The following ZNF292 variants were observed in gnomAD, a reference collection of about 807,000 sequenced individuals.
ZNF292 encodes the protein zinc finger protein 292.
In ZNF292, 26 loss-of-function variants were observed where a neutral mutation model predicts 217.9. The ratio of observed to expected loss-of-function variants is 0.12; its 90% CI spans 0.09 to 0.17. The LOEUF (loss-of-function observed/expected upper bound fraction) is 0.17. Ranked by LOEUF, ZNF292 falls within the 10% of genes least tolerant of loss-of-function variation. The pLI, the probability that ZNF292 is intolerant of heterozygous loss-of-function variation, is 1.00. For missense variants in ZNF292, 2,904 were observed against 3,175.2 expected (o/e 0.91, Z 2.05); for synonymous variants, 1,257 against 1,124.1 (o/e 1.12, Z -2.37).
intron 1 of ZNF292, among the ~76,000 whole-genome samples, chr6:87,195,499 G>A (rs547863627): frequency 1.6e-4 from 24 of 152,216 alleles, no homozygotes; most frequent in African/African-American, 5.1e-4. Context: ...CTTCATTTGC[G>A]TGGTGCACCT....
chr6:87,222,243 A>G (rs955578767), intron 4 of ZNF292, among the ~76,000 whole-genome samples: 1 of 152,108 alleles, frequency 6.6e-6, no homozygotes, highest in Admixed American at 6.6e-5. Flanking sequence ...TCATAACCAT[A>G]AAAAGGTCAT....
chr6:87,256,240 A>G lies in ZNF292; in HGVS notation c.2611A>G (p.Met871Val), dbSNP rs770556508. 10 of 1,613,778 alleles carry G rather than the reference A, an allele frequency of 6.2e-6. No individual in the cohort carries two copies. The highest frequency in any genetic ancestry group is 5.3e-5 in the African/African-American group (4 of 74,930). ...TAENIEKERSMLPSENNIENS... is the reference protein window; with the variant it reads ...TAENIEKERSVLPSENNIENS... Reference sequence around the variant, plus strand: ...AGAGAATATTGAGAAAGAAAGATCTATGCTTCCTTCAGAAAATAACATTGA... The same window carrying G: ...AGAGAATATTGAGAAAGAAAGATCTGTGCTTCCTTCAGAAAATAACATTGA... The change falls in exon 8 of 8, where the codon ATG (methionine) becomes GTG (valine). Residue 871 changes from methionine to valine, a missense_variant. By Grantham distance (21) the Met-to-Val change is conservative. Transcript: ENST00000369577.
rs376412999 is a variant in ZNF292, at chr6:87,258,386, C to G, written c.4757C>G (p.Ser1586Cys). ...AAGACTGTTGAAAATGGTTTGTGCT[C>G]TAGTTCATTTCCTAATTCTGGTGGG... The part of the protein sequence containing the change: ...LLKTVENGLC[S>C]SSFPNSGGPS... The change falls in exon 8 of 8, where the codon TCT becomes TGT. Residue 1586 changes from serine (S) to cysteine (C), a missense_variant. By Grantham distance (112) the Ser-to-Cys change is moderately radical. Coordinates refer to ENST00000369577, the MANE Select transcript of ZNF292 (RefSeq NM_015021.3). 8.7e-6 allele frequency: 14 copies of G among 1,613,482 alleles called. No individual in the cohort carries two copies. Among genetic ancestry groups the G allele is most frequent in the Non-Finnish European group, 1.2e-5 (14 of 1,179,774 alleles).
Position 87,250,854 on chromosome 6 carries a change from T to G in ZNF292, c.1021-3796T>G, listed in dbSNP as rs9450644. ...AGAGTTGAAAAATACATCCCTGCCT[T>G]TAAGGATTTTGTAGTCTGTTGATGG... On this transcript the variant is annotated intron_variant, in intron 7 of 7. Coordinates refer to ENST00000369577, the MANE Select transcript of ZNF292 (RefSeq NM_015021.3). Among the ~76,000 whole-genome samples the G allele has an allele frequency of 6.0e-3, 917 of 152,330 alleles. 8 individuals are homozygous for G. Among genetic ancestry groups the G allele is most frequent in the African/African-American group, 0.018 (735 of 41,560 alleles).
chr6:87,250,567 T>G (rs1774873725), intron 7 of ZNF292, among the ~76,000 whole-genome samples: 1 of 152,250 alleles, frequency 6.6e-6, no homozygotes, highest in South Asian at 2.1e-4. Context: ...TATTAGGTAT[T>G]ATAAGTAATA....
At chr6:87,168,294 C>CA (rs1470722999) in intron 1 of ZNF292, among the ~76,000 whole-genome samples, 1 of 152,106 alleles carries the variant, frequency 6.6e-6, no homozygotes, top group Non-Finnish European at 1.5e-5. Context: ...CCAGTGTCAT[C>CA]AAAAAATGTT....
chr6:87,177,941 T>G (rs1257869546), intron 1 of ZNF292, among the ~76,000 whole-genome samples: 1 of 152,212 alleles, frequency 6.6e-6, no homozygotes, highest in African/African-American at 2.4e-5. Flanking sequence ...ACCATATCTC[T>G]TATTTTTTTG....
intron 1 of ZNF292, among the ~76,000 whole-genome samples, chr6:87,164,054 C>T (rs1403460090): frequency 1.3e-5 from 2 of 152,162 alleles, no homozygotes; most frequent in East Asian, 1.9e-4. Flanking sequence ...CGCCAAGTAT[C>T]GTGTATCAGT....
chr6:87,237,670 AATT>A (rs1582473867), intron 5 of ZNF292, among the ~76,000 whole-genome samples: 2 of 152,240 alleles, frequency 1.3e-5, no homozygotes, highest in South Asian at 2.1e-4. Flanking sequence ...AAAACATACA[AATT>A]ATTATTTACA....
intron 5 of ZNF292, among the ~76,000 whole-genome samples, chr6:87,241,120 T>A (rs551483753): frequency 6.6e-6 from 1 of 152,212 alleles, no homozygotes; most frequent in African/African-American, 2.4e-5. Context: ...CCATCTCTAC[T>A]AAAAATACAA....
At position 87,258,529 on chromosome 6, in the gene ZNF292, G is replaced by A. The variant is rs752543044; in HGVS notation, c.4900G>A (p.Val1634Ile). ...CAGTGCTTCTAAGAGAAGAAAGAAA[G>A]TTGCTCCTCCACTAATTGCACCTAA... is the stretch of plus-strand genomic sequence containing the variant. ...GNSASKRRKK[V>I]APPLIAPNAS... Residue 1634 changes from valine to isoleucine, a missense_variant, in exon 8 of 8, where the codon GTT becomes ATT. By Grantham distance (29) the Val-to-Ile change is conservative (BLOSUM62 3). This residue lies in a region of ZNF292 where 622 missense variants were observed against 573.1 expected (regional missense o/e 1.09). Coordinates refer to ENST00000369577, the MANE Select transcript of ZNF292 (RefSeq NM_015021.3). 1.2e-6 allele frequency: 2 copies of A among 1,613,514 alleles called. No individual in the cohort carries two copies. The highest frequency in any genetic ancestry group is 2.2e-5 in the East Asian group (1 of 44,886).
intron 5 of ZNF292, among the ~76,000 whole-genome samples, chr6:87,239,174 C>G (rs796595716): frequency 7.4e-6 from 1 of 135,500 alleles, no homozygotes; most frequent in Non-Finnish European, 1.6e-5. Flanking sequence ...CATCATGGCC[C>G]GTTCTCAATG....
intron 1 of ZNF292, among the ~76,000 whole-genome samples, chr6:87,210,404 A>G (rs973400627): frequency 4.6e-5 from 7 of 152,166 alleles, no homozygotes; most frequent in African/African-American, 1.7e-4. Flanking sequence ...CGCAAGAAAC[A>G]GTGTGTTAGA....
chr6:87,185,717 C>T (rs947213780), intron 1 of ZNF292, among the ~76,000 whole-genome samples: 49 of 152,230 alleles, frequency 3.2e-4, no homozygotes, highest in African/African-American at 1.2e-3. Flanking sequence ...GATCTACCCA[C>T]TTCAGCTTCC....
intron 1 of ZNF292, among the ~76,000 whole-genome samples, chr6:87,158,220 TTAAA>T (rs1226186344): frequency 6.6e-6 from 1 of 152,236 alleles, no homozygotes; most frequent in Non-Finnish European, 1.5e-5. Context: ...TCAGAATAAT[TTAAA>T]TACACTTAAA....
intron 1 of ZNF292, among the ~76,000 whole-genome samples, chr6:87,168,442 T>C (rs1168020162): frequency 6.6e-6 from 1 of 152,228 alleles, no homozygotes; most frequent in Admixed American, 6.5e-5. Flanking sequence ...TATTGATGCC[T>C]GATATATAGG....
intron 5 of ZNF292, among the ~76,000 whole-genome samples, chr6:87,240,656 C>T (rs577855830): frequency 2.6e-5 from 4 of 152,186 alleles, no homozygotes; most frequent in South Asian, 4.1e-4. Context: ...CCTGACCTCA[C>T]GTGATCCACC....
intron 1 of ZNF292, among the ~76,000 whole-genome samples, chr6:87,167,145 G>T (rs555446536): frequency 2.4e-4 from 36 of 152,302 alleles, no homozygotes; most frequent in African/African-American, 8.7e-4. Context: ...ACTAGGAAGT[G>T]AACTGCAGGA....
intron 4 of ZNF292, among the ~76,000 whole-genome samples, chr6:87,227,821 TTTTG>T (rs1481522017): frequency 1.6e-4 from 24 of 152,356 alleles, no homozygotes; most frequent in Middle Eastern, 3.4e-3. Flanking sequence ...TTATACCACA[TTTTG>T]TTTATTTATT....
Sources: allele counts gnomAD v4.1 joint callset (sites outside exome capture counted in the v4.1 genomes callset), GRCh38; gene constraint gnomAD v4.1.1; regional missense constraint gnomAD v4.1.1; transcripts MANE v1.5; gene names NCBI Gene and HGNC (gene_info 2026-07-23, HGNC 2026-07-21).